The following PTPRU variants were observed in gnomAD, a reference collection of about 807,000 sequenced individuals.
PTPRU encodes protein tyrosine phosphatase receptor type U.
In PTPRU, 69 loss-of-function variants were observed where a neutral mutation model predicts 166.3. The observed-to-expected ratio is 0.41, with a 90% CI of 0.34 to 0.51. The LOEUF (loss-of-function observed/expected upper bound fraction) is 0.51, where lower values mean the gene tolerates loss of function less well. Ranked by LOEUF, PTPRU falls within the 20% of genes least tolerant of loss-of-function variation. The pLI is 0.09. For synonymous variants in PTPRU, 793 were observed against 814.0 expected (o/e 0.97, Z 0.44); for missense variants, 1,657 against 2,013.7 (o/e 0.82, Z 3.39).
At chr1:29,312,136 G>C (rs1236027136) in intron 21 of PTPRU, among the ~76,000 whole-genome samples, 1 of 152,250 alleles carries the variant, frequency 6.6e-6, no homozygotes, top group Non-Finnish European at 1.5e-5. Flanking sequence ...TCAGTGGCTG[G>C]CCAGCGAGTC....
chr1:29,302,611 G>A (rs1468108307), intron 15 of PTPRU, among the ~76,000 whole-genome samples: 2 of 151,854 alleles, frequency 1.3e-5, no homozygotes, highest in Non-Finnish European at 2.9e-5. Context: ...GTGCAGTGGC[G>A]CGATCTTGGC....
chr1:29,247,700 C>T (rs1428987093), intron 1 of PTPRU, among the ~76,000 whole-genome samples: 3 of 152,232 alleles, frequency 2.0e-5, no homozygotes, highest in African/African-American at 7.2e-5. Flanking sequence ...GCCTTCCCCT[C>T]ATACTGCCAG....
rs1028893663 is a variant in PTPRU at position 29,238,259 on chromosome 1, G to A, written c.73+1542G>A. On this transcript the variant is annotated intron_variant, in intron 1 of 29. Transcript: ENST00000373779. This position sits in a 1 kb window ranked among gnomAD's most constrained non-coding sequence, Gnocchi z 6.1. ...CTCGTCGGAGTGTGGACGGTGTGTC[G>A]GATGTGTGTGCGTGCGCGTGTTCCA... 2.0e-5 allele frequency among the ~76,000 whole-genome samples: 3 copies of A among 151,618 alleles called. No individual in the cohort carries two copies. Among genetic ancestry groups the A allele is most frequent in the Admixed American group, 1.3e-4 (2 of 15,250 alleles).
chr1:29,281,963 A>G (rs970149067), intron 11 of PTPRU, among the ~76,000 whole-genome samples: 2 of 152,244 alleles, frequency 1.3e-5, no homozygotes, highest in Non-Finnish European at 2.9e-5. Context: ...CCTATTTAGT[A>G]AAGAGATAAA....
At chr1:29,240,157 T>C (rs112456267) in intron 1 of PTPRU, among the ~76,000 whole-genome samples, 1 of 152,186 alleles carries the variant, frequency 6.6e-6, no homozygotes, top group Non-Finnish European at 1.5e-5. Flanking sequence ...TGCAACTTGA[T>C]GGGCTCTCAG....
At chr1:29,269,872 A>G (rs1459729330) in intron 7 of PTPRU, among the ~76,000 whole-genome samples, 1 of 151,946 alleles carries the variant, frequency 6.6e-6, no homozygotes, top group Non-Finnish European at 1.5e-5. Flanking sequence ...AGCATTTCGT[A>G]TGCTGCTTCA....
rs1285655017 is a variant in PTPRU, at chr1:29,280,262, C to T, written c.1868+121C>T. 1 of 959,800 alleles carries T rather than the reference C, an allele frequency of 1.0e-6. No individual in the cohort carries two copies. Among genetic ancestry groups the T allele is most frequent in the Non-Finnish European group, 1.5e-6 (1 of 645,760 alleles). The allele number at this position is 959,800 out of a possible 1,614,324, so 59.5% of individuals were successfully genotyped here. ...TCCTCCCTCAGTCTCCCACGCAGGG[C>T]TTGGAGTGTCTGGAGGAGATTGTTC... is the stretch of plus-strand genomic sequence containing the variant. On this transcript the variant is annotated intron_variant, in intron 11 of 29. Transcript: ENST00000373779. This position sits in a 1 kb window ranked among gnomAD's most constrained non-coding sequence, Gnocchi z 4.2.
intron 7 of PTPRU, among the ~76,000 whole-genome samples, chr1:29,264,924 A>G (rs947930642): frequency 6.6e-6 from 1 of 152,192 alleles, no homozygotes; most frequent in African/African-American, 2.4e-5. Context: ...TGTGTATATC[A>G]GTAGTTTATT....
In PTPRU at chr1:29,238,882, A is replaced by G. The variant is rs1683909981; in HGVS notation, c.73+2165A>G. Among the ~76,000 whole-genome samples the G allele has an allele frequency of 6.6e-6, 1 of 152,230 alleles. No homozygotes were observed. Among genetic ancestry groups the G allele is most frequent in the Non-Finnish European group, 1.5e-5 (1 of 68,044 alleles). ...GAAGTTTGGGAGTGAGGCCTAGAGC[A>G]GGTTACTCCCATTCTTGATGCCTCA... On this transcript the variant is annotated intron_variant, in intron 1 of 29. Transcript: ENST00000373779. This position sits in a 1 kb window ranked among gnomAD's most constrained non-coding sequence, Gnocchi z 6.1.
intron 7 of PTPRU, among the ~76,000 whole-genome samples, chr1:29,269,246 A>ATTT (rs1175870568): frequency 0.017 from 357 of 20,624 alleles, 86 homozygotes; most frequent in Non-Finnish European, 0.03. Context: ...ATATATATAT[A>ATTT]TTTTTTTTTT....
At chr1:29,242,856 G>A (rs1236121536) in intron 1 of PTPRU, among the ~76,000 whole-genome samples, 1 of 151,580 alleles carries the variant, frequency 6.6e-6, no homozygotes, top group Non-Finnish European at 1.5e-5. Context: ...CAGTAGCCTG[G>A]TAGCCTTCTT....
At position 29,271,703 on chromosome 1, in the gene PTPRU, G is replaced by A. The variant is rs924029858; in HGVS notation, c.1145-3745G>A. On this transcript the variant is annotated intron_variant, in intron 7 of 29. Coordinates refer to ENST00000373779, the MANE Select transcript of PTPRU (RefSeq NM_133178.4). This position sits in a 1 kb window ranked among gnomAD's most constrained non-coding sequence, Gnocchi z 4.4. The stretch of plus-strand genomic sequence containing the variant: ...CCTGCCTGGCAACAGTCATCTAGAG[G>A]TGAGCAGTAGCTGCCCCTTTTGGAT... Among the ~76,000 whole-genome samples, 7 of 152,216 alleles carry A rather than the reference G, an allele frequency of 4.6e-5. No individual in the cohort carries two copies. Among genetic ancestry groups the A allele is most frequent in the African/African-American group, 1.7e-4 (7 of 41,460 alleles).
At chr1:29,318,019 G>C (rs1167646942) in intron 25 of PTPRU, 98 bp downstream of exon 25, 1 of 1,453,062 alleles carries the variant, frequency 6.9e-7, no homozygotes, top group East Asian at 2.4e-5. Flanking sequence ...GCTCTGTTGG[G>C]GGGACCCCTG....
At position 29,317,922 on chromosome 1, in the gene PTPRU, G is replaced by A. The variant is rs1557486660; in HGVS notation, c.3687+1G>A. 3 of 1,613,672 alleles carry A rather than the reference G, an allele frequency of 1.9e-6. No individual in the cohort carries two copies. Among genetic ancestry groups the A allele is most frequent in the Non-Finnish European group, 2.5e-6 (3 of 1,179,996 alleles). ...CTACATTAATGCAGCCCTGACTGAC[G>A]TGAGAGCTTGGGGTGGAGTGGGCTC... On this transcript the variant is annotated splice_donor_variant, in intron 25 of 29. Transcript: ENST00000373779. LOFTEE classifies it high-confidence loss of function. This position sits in a 1 kb window ranked among gnomAD's most constrained non-coding sequence, Gnocchi z 5.6.
chr1:29,291,947 C>T lies in PTPRU; in HGVS notation c.2397C>T (p.Ser799=). 1 of 1,614,200 alleles carries T rather than the reference C, an allele frequency of 6.2e-7. No homozygotes were observed. The highest frequency in any genetic ancestry group is 8.5e-7 in the Non-Finnish European group (1 of 1,180,036). The stretch of plus-strand genomic sequence containing the variant: ...ACATGATGAGCGCCGTGGACCGCAG[C>T]TTCACAGACCAGAGCACCCTGCAGG... ...KTHMMSAVDR[S]FTDQSTLQED... is the part of the protein sequence containing the mutation. Residue 799 remains serine (S), a synonymous_variant, in exon 15 of 30, where the codon AGC becomes AGT. Coordinates refer to ENST00000373779, the MANE Select transcript of PTPRU (RefSeq NM_133178.4). This position sits in a 1 kb window ranked among gnomAD's most constrained non-coding sequence, Gnocchi z 4.1.
chr1:29,325,579 C>G lies in PTPRU; in HGVS notation c.4249-20C>G, dbSNP rs889089432. ...GTTGGGGTCAGGCTCATGATTCCCT[C>G]CCTCTCTTCCTCTCCCCAGGATCAG... On this transcript the variant is annotated intron_variant, in intron 29 of 29. Coordinates refer to ENST00000373779, the MANE Select transcript of PTPRU (RefSeq NM_133178.4). 3.1e-6 allele frequency: 5 copies of G among 1,601,038 alleles called. No homozygotes were observed. In the African/African-American group the frequency reaches 6.7e-5, roughly 21 times the overall value.
At chr1:29,255,130 G>A (rs1684716691) in intron 1 of PTPRU, 145 bp from the exon 2 acceptor site, 2 of 964,008 alleles carry the variant, frequency 2.1e-6, no homozygotes, top group Non-Finnish European at 3.0e-6. Context: ...TTTCACTAGA[G>A]GGAGGGAGCA....
In PTPRU at chr1:29,298,276, C is replaced by CA. The variant is rs35978871; in HGVS notation, c.2477-5566dup. 8.3e-3 allele frequency among the ~76,000 whole-genome samples: 1,159 copies of CA among 138,912 alleles called. 6 individuals are homozygous for CA. The highest frequency in any genetic ancestry group is 0.026 in the Middle Eastern group (7 of 274). 91.1% of individuals were successfully genotyped at this position (138,912 alleles called of 152,430 possible). A position where few individuals can be genotyped will look rare whatever the true frequency, so the allele number is the denominator to read the frequency against. On this transcript the variant is annotated intron_variant, in intron 15 of 29. Coordinates refer to ENST00000373779, the MANE Select transcript of PTPRU (RefSeq NM_133178.4). ...AGACTCTGTCTCAAAAAAAAAAAGA[C>CA]AAAAAAAAAAAAACCAAAACGTGTC...
chr1:29,307,108 T>A (rs1338816863), intron 18 of PTPRU: 1 of 1,613,030 alleles, frequency 6.2e-7, no homozygotes, highest in South Asian at 1.1e-5. Flanking sequence ...TTTGTACTGT[T>A]TCCTCACTGG....
Sources: allele counts gnomAD v4.1 joint callset (sites outside exome capture counted in the v4.1 genomes callset), GRCh38; gene constraint gnomAD v4.1.1; non-coding constraint Gnocchi (gnomAD v3.1); transcripts MANE v1.5; gene names NCBI Gene and HGNC (gene_info 2026-07-23, HGNC 2026-07-21).